ZNF596: variants seen among roughly 807,000 people sequenced by gnomAD.
The protein encoded by ZNF596 is zinc finger protein 596.
ZNF596 carries 45 observed loss-of-function variants against 48.3 expected under a neutral mutation model. That is an observed-to-expected ratio of 0.93 (90% confidence interval 0.73 to 1.19). The LOEUF is 1.19. ZNF596 is among the 50% of genes most tolerant of loss of function. The pLI, the probability that ZNF596 is intolerant of heterozygous loss-of-function variation, is 0.00. For missense variants in ZNF596, 848 were observed against 599.7 expected (o/e 1.41, Z -4.32); for synonymous variants, 270 against 202.0 (o/e 1.34, Z -2.85).
At position 244,557 on chromosome 8, in the gene ZNF596, C is replaced by G. The variant is rs1273984066; in HGVS notation, c.224-62C>G. 5.3e-6 allele frequency: 6 copies of G among 1,129,292 alleles called. 1 individual carries two copies. In the Admixed American group the frequency reaches 1.1e-4, roughly 21 times the overall value. 70.0% of individuals were successfully genotyped at this position (1,129,292 alleles called of 1,614,324 possible). On this transcript the variant is annotated intron_variant, in intron 4 of 5. Transcript: ENST00000398612. ...AAACACACTCAAATGGGCTTTGGAG[C>G]TATTTAACATTTTTATTCCCCTAAT...
chr8:240,692 C>T, intron 1 of ZNF596, 132 bp from the exon 2 acceptor site: 1 of 606,144 alleles, frequency 1.6e-6, no homozygotes. Context: ...AGAGGAGAGC[C>T]ACCAACCCAA....
intron 1 of ZNF596, chr8:233,707 C>T (rs573755812): frequency 6.6e-6 from 1 of 151,686 alleles, no homozygotes; most frequent in East Asian, 1.9e-4. Flanking sequence ...CAAAGCTCAC[C>T]TTTTATGTTT....
chr8:244,706 G>C lies in ZNF596; in HGVS notation c.306+5G>C, dbSNP rs749051622. The C allele has an allele frequency of 7.5e-6, 12 of 1,607,660 alleles. No homozygotes were observed. Among genetic ancestry groups the C allele is most frequent in the Middle Eastern group, 1.7e-4 (1 of 6,038 alleles). On this transcript the variant is annotated splice_donor_5th_base_variant and intron_variant, in intron 5 of 5. Coordinates refer to ENST00000398612, the MANE Select transcript of ZNF596 (RefSeq NM_001042416.3). ...ACGTCCACCATCAGCACAATGGTAA[G>C]CTTTATGGATGCAAACCCTGTTCTT... is the stretch of plus-strand genomic sequence containing the variant.
At chr8:235,986 A>T (rs1420408376) in intron 1 of ZNF596, among the ~76,000 whole-genome samples, 1 of 152,154 alleles carries the variant, frequency 6.6e-6, no homozygotes, top group Non-Finnish European at 1.5e-5. Flanking sequence ...CATTTTTTAC[A>T]TGTAAAAGAC....
In ZNF596 at chr8:243,022, C is replaced by G; in HGVS notation, c.139+9C>G. 1 of 1,604,972 alleles carries G rather than the reference C, an allele frequency of 6.2e-7. No individual in the cohort carries two copies. Among genetic ancestry groups the G allele is most frequent in the Non-Finnish European group, 8.5e-7 (1 of 1,173,874 alleles). On this transcript the variant is annotated intron_variant, in intron 3 of 5. Transcript: ENST00000398612. Reference sequence around the variant, plus strand: ...TCATCTGGTCTCTATTGGTGAGTCTCTTTATATTTATTATGTATGTATATA... The same window carrying G: ...TCATCTGGTCTCTATTGGTGAGTCTGTTTATATTTATTATGTATGTATATA...
At chr8:236,892 G>A (rs977163583) in intron 1 of ZNF596, among the ~76,000 whole-genome samples, 5 of 152,226 alleles carry the variant, frequency 3.3e-5, no homozygotes, top group Admixed American at 1.3e-4. Context: ...TTACATTCAT[G>A]TTCATTTTGA....
chr8:244,357 A>G (rs1796973548), intron 4 of ZNF596: 1 of 429,692 alleles, frequency 2.3e-6, no homozygotes, highest in South Asian at 3.2e-5. Context: ...TATTTGAGTT[A>G]AACTATTACA....
At chr8:236,502 G>A (rs887801887) in intron 1 of ZNF596, among the ~76,000 whole-genome samples, 1 of 152,078 alleles carries the variant, frequency 6.6e-6, no homozygotes, top group Admixed American at 6.6e-5. Context: ...CTTACCTTTA[G>A]TGGAAATGGT....
At chr8:245,119 C>T (rs750511318) in intron 5 of ZNF596, 35 bp from the exon 6 acceptor site, 1 of 1,538,586 alleles carries the variant, frequency 6.5e-7, no homozygotes, top group Non-Finnish European at 8.7e-7. Context: ...TGTGGATAAA[C>T]CTTTAATAGT....
Position 241,845 on chromosome 8 carries a change from G to C in ZNF596, c.12+938G>C, listed in dbSNP as rs541631693. Among the ~76,000 whole-genome samples, 30 of 152,244 alleles carry C rather than the reference G, an allele frequency of 2.0e-4. No individual in the cohort carries two copies. In the South Asian group the frequency reaches 5.0e-3, roughly 25 times the overall value. The stretch of plus-strand genomic sequence containing the variant: ...GGCTTAACAGGAAGCATGACTGGGA[G>C]GCCTCCAGAAACTTACAATCATGGT... On this transcript the variant is annotated intron_variant, in intron 2 of 5. Coordinates refer to ENST00000398612, the MANE Select transcript of ZNF596 (RefSeq NM_001042416.3).
At position 244,657 on chromosome 8, in the gene ZNF596, A is replaced by T. The variant is rs761291330; in HGVS notation, c.262A>T (p.Ile88Phe). 1 of 1,613,496 alleles carries T rather than the reference A, an allele frequency of 6.2e-7. No homozygotes were observed. Among genetic ancestry groups the T allele is most frequent in the Non-Finnish European group, 8.5e-7 (1 of 1,179,772 alleles). Reference sequence around the variant, plus strand: ...CATTAAACATCAAGAGATACCATTCATTCAACATATCTATCAGAAGGGCAC... The same window carrying T: ...CATTAAACATCAAGAGATACCATTCTTTCAACATATCTATCAGAAGGGCAC... Reference protein sequence around the residue: ...VGIKHQEIPFIQHIYQKGTST... With the variant: ...VGIKHQEIPFFQHIYQKGTST... Residue 88 changes from isoleucine to phenylalanine, a missense_variant, in exon 5 of 6, where the codon ATT becomes TTT. By Grantham distance (21) the Ile-to-Phe change is conservative. Transcript: ENST00000398612.
At chr8:236,844 T>C (rs985436998) in intron 1 of ZNF596, among the ~76,000 whole-genome samples, 7 of 152,230 alleles carry the variant, frequency 4.6e-5, no homozygotes, top group African/African-American at 1.7e-4. Flanking sequence ...TTTGCAAATG[T>C]AAGTAAGGAA....
At position 245,882 on chromosome 8, in the gene ZNF596, T is replaced by G. The variant is rs1249986841; in HGVS notation, c.1035T>G (p.Ser345=). 1.2e-6 allele frequency: 2 copies of G among 1,613,828 alleles called. No individual in the cohort carries two copies. The highest frequency in any genetic ancestry group is 2.7e-5 in the African/African-American group (2 of 74,866). The change falls in exon 6 of 6, where the codon TCT becomes TCG. Residue 345 remains serine (S), a synonymous_variant. Transcript: ENST00000398612. The part of the protein sequence containing the change: ...YECHLCGKAF[S]HCSHLRQHER... ...GTCATCTATGTGGAAAAGCCTTCTCTCATTGTTCTCACCTTAGACAACATG... is the reference window on the plus strand; with the variant it reads ...GTCATCTATGTGGAAAAGCCTTCTCGCATTGTTCTCACCTTAGACAACATG...
At chr8:244,546 G>A (rs1796982451) in intron 4 of ZNF596, 73 bp from the exon 5 acceptor site, 1 of 982,650 alleles carries the variant, frequency 1.0e-6, no homozygotes, top group South Asian at 1.4e-5. Flanking sequence ...ACACTCAAAT[G>A]GGCTTTGGAG....
intron 3 of ZNF596, chr8:243,503 G>C (rs1374975055): frequency 2.3e-6 from 1 of 429,960 alleles, no homozygotes; most frequent in Admixed American, 4.0e-5. Flanking sequence ...TTGAAGTGAG[G>C]CATGGCCATC....
intron 4 of ZNF596, 40 bp from the exon 5 acceptor site, chr8:244,578 CT>C (rs1563068857): frequency 7.0e-7 from 1 of 1,427,718 alleles, no homozygotes; most frequent in South Asian, 1.2e-5. Context: ...TTTTATTCCC[CT>C]AATGCCTATA....
chr8:245,512 C>G lies in ZNF596; in HGVS notation c.665C>G (p.Pro222Arg). The G allele has an allele frequency of 6.2e-7, 1 of 1,614,178 alleles. No homozygotes were observed. The highest frequency in any genetic ancestry group is 8.5e-7 in the Non-Finnish European group (1 of 1,180,020). ...RHEMIHTGEKPHGCHLCGKAF... is the reference protein window; with the variant it reads ...RHEMIHTGEKRHGCHLCGKAF... ...GAGATGATTCACACTGGAGAGAAACCACACGGATGTCATCTATGTGGGAAA... is the reference window on the plus strand; with the variant it reads ...GAGATGATTCACACTGGAGAGAAACGACACGGATGTCATCTATGTGGGAAA... The change falls in exon 6 of 6, where the codon CCA becomes CGA. Residue 222 changes from proline (P) to arginine (R), a missense_variant. Physicochemically the swap from Pro to Arg is moderately radical, Grantham distance 103. Transcript: ENST00000398612.
intron 1 of ZNF596, chr8:234,953 C>T (rs1796562723): frequency 6.6e-6 from 1 of 152,166 alleles, no homozygotes; most frequent in Non-Finnish European, 1.5e-5. Context: ...TCAGGAATAT[C>T]TGACAAATCC....
intron 1 of ZNF596, chr8:240,179 A>G (rs1796794881): frequency 6.6e-6 from 1 of 152,186 alleles, no homozygotes; most frequent in African/African-American, 2.4e-5. Context: ...CAACTTGAGG[A>G]ACTCCCTTTA....
Sources: allele counts gnomAD v4.1 joint callset (sites outside exome capture counted in the v4.1 genomes callset), GRCh38; gene constraint gnomAD v4.1.1; transcripts MANE v1.5; gene names NCBI Gene and HGNC (gene_info 2026-07-23, HGNC 2026-07-21).